Variants in HGS observed in about 807,000 individuals in gnomAD.
HGS encodes the protein hepatocyte growth factor-regulated tyrosine kinase substrate, also known as human growth factor-regulated tyrosine kinase substrate.
In HGS, 63 loss-of-function variants were observed where a neutral mutation model predicts 109.7. The ratio of observed to expected loss-of-function variants is 0.57; its 90% CI spans 0.47 to 0.71. The LOEUF (loss-of-function observed/expected upper bound fraction) is 0.71. Ranked by LOEUF, HGS falls within the 30% of genes least tolerant of loss-of-function variation. The pLI is 0.00. For missense variants in HGS, 995 were observed against 1,068.3 expected, an observed-to-expected ratio of 0.93 and a Z score of 0.96; for synonymous variants, 546 against 437.3, an observed-to-expected ratio of 1.25 and a Z score of -3.10.
intron 14 of HGS, among the ~76,000 whole-genome samples, chr17:81,695,469 A>G (rs73354131): frequency 2.0e-4 from 30 of 152,328 alleles, no homozygotes; most frequent in African/African-American, 7.0e-4. Context: ...AATATTCCAG[A>G]GCAGCCTAGA....
intron 19 of HGS, 34 bp downstream of exon 19, chr17:81,700,634 C>G (rs2037221806): frequency 7.6e-7 from 1 of 1,314,652 alleles, no homozygotes; most frequent in African/African-American, 1.9e-5. Context: ...CCTTCCAGGG[C>G]CAGCCCCAGC....
chr17:81,700,219 A>T (rs1169714625), intron 18 of HGS, among the ~76,000 whole-genome samples: 2 of 139,978 alleles, frequency 1.4e-5, no homozygotes, highest in African/African-American at 5.4e-5. Context: ...ACAAAAAAAA[A>T]TTAGCCGGGC....
intron 3 of HGS, 72 bp from the exon 4 acceptor site, chr17:81,686,931 G>T: frequency 1.6e-6 from 2 of 1,220,966 alleles, no homozygotes; most frequent in African/African-American, 1.5e-5. Flanking sequence ...ACAGGGAGGT[G>T]GGTCTGTCCG....
intron 18 of HGS, among the ~76,000 whole-genome samples, chr17:81,699,974 C>T (rs2037209338): frequency 6.6e-6 from 1 of 152,006 alleles, no homozygotes; most frequent in Non-Finnish European, 1.5e-5. Context: ...GCTCGGGAGG[C>T]TGAGGCAGGA....
chr17:81,691,499 A>C lies in HGS; in HGVS notation c.590A>C (p.Tyr197Ser), dbSNP rs780805755. The C allele has an allele frequency of 8.7e-6, 14 of 1,613,706 alleles. No homozygotes were observed. In the African/African-American group the frequency reaches 1.7e-4, roughly 20 times the overall value. ...QIFCGKCSSK[Y>S]STIPKFGIEK... ...TTCTGTGGAAAGTGTTCTTCCAAGT[A>C]CTCCACCATCCCCAAGTTTGGCATC... Residue 197 changes from tyrosine (Y) to serine (S), a missense_variant, in exon 8 of 22, where the codon TAC becomes TCC. Tyr to Ser is a moderately radical substitution (Grantham distance 144). This residue lies in a region of HGS where 182 missense variants were observed against 261.3 expected (regional missense o/e 0.70). Transcript: ENST00000329138. The surrounding 1 kb of genome is among the most constrained non-coding windows in gnomAD (Gnocchi z 5.3).
At chr17:81,688,646 C>T (rs1232436258) in intron 4 of HGS, 58 bp from the exon 5 acceptor site, 61 of 1,600,068 alleles carry the variant, frequency 3.8e-5, no homozygotes, top group Admixed American at 2.2e-4. Context: ...TTCCTCACAC[C>T]GAGGCCTCTG....
rs970271229 is a variant in HGS, at chr17:81,691,258, C to T, written c.538-189C>T. The T allele has an allele frequency of 1.2e-4, 77 of 643,228 alleles. No individual in the cohort carries two copies. In the South Asian group the frequency reaches 1.3e-3, roughly 11 times the overall value. The allele number at this position is 643,228 out of a possible 1,614,324, so 39.8% of individuals were successfully genotyped here. A position where few individuals can be genotyped will look rare whatever the true frequency, so the allele number is the denominator to read the frequency against. On this transcript the variant is annotated intron_variant, in intron 7 of 21. Transcript: ENST00000329138. The surrounding 1 kb of genome is among the most constrained non-coding windows in gnomAD (Gnocchi z 5.3). ...TTATTTTCCCCAAAACGGTGGCTGG[C>T]GTTGAGACTCCCGGGAGCATGTCCA...
intron 2 of HGS, 113 bp from the exon 3 acceptor site, chr17:81,686,198 TG>T: frequency 1.2e-6 from 1 of 827,220 alleles, no homozygotes; most frequent in South Asian, 1.6e-5. Flanking sequence ...CCCAAAGCAC[TG>T]GGATTACAGG....
chr17:81,685,553 A>T, intron 1 of HGS, 52 bp from the exon 2 acceptor site: 1 of 1,346,824 alleles, frequency 7.4e-7, no homozygotes, highest in Non-Finnish European at 1.0e-6. Context: ...GGGGTGCTGC[A>T]CGGGGCGTCC....
chr17:81,696,102 C>A (rs2037142000), intron 15 of HGS, 103 bp downstream of exon 15: 4 of 1,073,882 alleles, frequency 3.7e-6, no homozygotes, highest in Non-Finnish European at 5.2e-6. Flanking sequence ...CTTGTGAGTC[C>A]TTCATTGGGG....
chr17:81,694,963 CAGG>C lies in HGS; in HGVS notation c.1022_1024del (p.Glu341del), dbSNP rs767938274. ...CAACCGGAACTACTGGGAGAAGAAG[CAGG>C]AGGAGGCTCGCAAGAGCCCCACGCC... On this transcript the variant is annotated inframe_deletion, in exon 13 of 22. Transcript: ENST00000329138. 1.9e-6 allele frequency: 3 copies of C among 1,614,160 alleles called. No homozygotes were observed. The highest frequency in any genetic ancestry group is 2.2e-5 in the East Asian group (1 of 44,880).
chr17:81,695,584 C>T (rs562401773), intron 14 of HGS: 71 of 613,816 alleles, frequency 1.2e-4, no homozygotes, highest in African/African-American at 1.1e-3. Flanking sequence ...GAGCCAGCTC[C>T]GTCCTGACCA....
At chr17:81,692,707 GCA>G (rs1568215248) in intron 8 of HGS, 1 of 151,586 alleles carries the variant, frequency 6.6e-6, no homozygotes, top group East Asian at 2.0e-4. Flanking sequence ...GGTCGGCCGA[GCA>G]CGGTGGCTCA....
In HGS at chr17:81,690,691, C is replaced by T. The variant is rs138643449; in HGVS notation, c.486C>T (p.Asp162=). ...CTCCTCAGGCCCCAGACTGGGTGGA[C>T]GCTGAGGAATGCCACCGCTGCAGGG... The part of the protein sequence containing the change: ...FAAERAPDWV[D]AEECHRCRVQ... Residue 162 remains aspartate (D), a synonymous_variant, in exon 7 of 22, where the codon GAC becomes GAT. Transcript: ENST00000329138. 9.6e-4 allele frequency: 1,549 copies of T among 1,612,838 alleles called. 15 individuals are homozygous for T. The African/African-American group carries it at 0.017, about 18-fold the overall frequency.
intron 18 of HGS, among the ~76,000 whole-genome samples, chr17:81,698,893 AC>A (rs756203779): frequency 1.1e-3 from 173 of 152,160 alleles, no homozygotes; most frequent in Non-Finnish European, 3.2e-4. Flanking sequence ...ACATGGTGAA[AC>A]CCCGTCTACT....
At chr17:81,689,524 G>A (rs1025237447) in intron 5 of HGS, among the ~76,000 whole-genome samples, 2 of 152,122 alleles carry the variant, frequency 1.3e-5, no homozygotes, top group African/African-American at 2.4e-5. Context: ...GTGAGAGAGA[G>A]GTGGGCATGG....
intron 18 of HGS, chr17:81,698,301 A>G (rs1229364009): frequency 6.6e-6 from 1 of 152,250 alleles, no homozygotes; most frequent in Non-Finnish European, 1.5e-5. Context: ...CATCTCAAAA[A>G]AAATGTAGAA....
intron 1 of HGS, 139 bp downstream of exon 1, chr17:81,684,242 G>A (rs1239440417): frequency 1.3e-6 from 1 of 781,670 alleles, no homozygotes; most frequent in Non-Finnish European, 1.8e-6. Flanking sequence ...GTCCTCCCGG[G>A]TTCGGAGCCG....
At chr17:81,686,247 C>A in intron 2 of HGS, 65 bp from the exon 3 acceptor site, 1 of 1,373,066 alleles carries the variant, frequency 7.3e-7, no homozygotes, top group South Asian at 1.2e-5. Flanking sequence ...GAGCTTTTCT[C>A]ATCTTAGTTG....
Sources: allele counts gnomAD v4.1 joint callset (sites outside exome capture counted in the v4.1 genomes callset), GRCh38; gene constraint gnomAD v4.1.1; regional missense constraint gnomAD v4.1.1; non-coding constraint Gnocchi (gnomAD v3.1); transcripts MANE v1.5; gene names NCBI Gene and HGNC (gene_info 2026-07-23, HGNC 2026-07-21).